The following MRTFB variants were observed in gnomAD, a reference collection of about 807,000 sequenced individuals.
MRTFB encodes myocardin-related transcription factor B.
MRTFB carries 29 observed loss-of-function variants against 104.2 expected under a neutral mutation model. That is an observed-to-expected ratio of 0.28 (90% CI 0.21 to 0.38). The LOEUF (loss-of-function observed/expected upper bound fraction) is 0.38, where lower values mean the gene tolerates loss of function less well. MRTFB is among the 10% of genes least tolerant of loss of function. The pLI, the probability that MRTFB is intolerant of heterozygous loss-of-function variation, is 1.00. For synonymous variants in MRTFB, 535 were observed against 519.5 expected, an observed-to-expected ratio of 1.03 and a Z score of -0.41; for missense variants, 1,270 against 1,341.6, an observed-to-expected ratio of 0.95 and a Z score of 0.83.
At chr16:14,152,996 T>C (rs2038689641) in intron 3 of MRTFB, 2 of 152,184 alleles carry the variant, frequency 1.3e-5, no homozygotes, top group South Asian at 4.1e-4. Flanking sequence ...TATGATGCTT[T>C]CAACCAAGCT....
At chr16:14,226,694 G>A (rs893312690) in intron 8 of MRTFB, among the ~76,000 whole-genome samples, 3 of 152,122 alleles carry the variant, frequency 2.0e-5, no homozygotes, top group African/African-American at 7.2e-5. Context: ...AAACGTTTTG[G>A]CCAGACATGG....
intron 3 of MRTFB, chr16:14,200,315 C>T: frequency 2.5e-6 from 4 of 1,606,240 alleles, no homozygotes; most frequent in Middle Eastern, 1.7e-4. Flanking sequence ...TACGCTGCTG[C>T]GCTGACGTGG....
At chr16:14,246,406 C>G in intron 11 of MRTFB, 67 bp from the exon 12 acceptor site, 5 of 1,520,820 alleles carry the variant, frequency 3.3e-6, no homozygotes, top group Non-Finnish European at 4.5e-6. Context: ...TTTCCCATCA[C>G]AAAAGCGTAC....
the MRTFB span, among the ~76,000 whole-genome samples, chr16:14,037,646 A>G: frequency 6.6e-6 from 1 of 152,162 alleles, no homozygotes; most frequent in Non-Finnish European, 1.5e-5. Context: ...AGTTCCCTGG[A>G]CTGGCTGCTT....
At chr16:14,170,809 A>G (rs2039397634) in intron 3 of MRTFB, among the ~76,000 whole-genome samples, 1 of 152,190 alleles carries the variant, frequency 6.6e-6, no homozygotes, top group African/African-American at 2.4e-5. Flanking sequence ...CGGTGTTTGA[A>G]AGTATTTTAC....
At chr16:14,017,706 TATA>T in the MRTFB span, among the ~76,000 whole-genome samples, 35 of 31,438 alleles carry the variant, frequency 1.1e-3, 4 homozygotes, top group South Asian at 3.9e-3. Flanking sequence ...TATATATATA[TATA>T]TATTTTTTTT....
chr16:14,108,123 C>G (rs1045564234), intron 2 of MRTFB, among the ~76,000 whole-genome samples: 1 of 152,112 alleles, frequency 6.6e-6, no homozygotes, highest in African/African-American at 2.4e-5. Flanking sequence ...GTCTTTAGAC[C>G]AGGGTCACAT....
chr16:14,184,465 G>A (rs1266014669), intron 3 of MRTFB, among the ~76,000 whole-genome samples: 3 of 151,972 alleles, frequency 2.0e-5, no homozygotes, highest in Non-Finnish European at 4.4e-5. Context: ...CAAGTCATTC[G>A]CCCACCTCGG....
At chr16:14,118,103 A>G (rs999269460) in intron 2 of MRTFB, among the ~76,000 whole-genome samples, 1 of 150,878 alleles carries the variant, frequency 6.6e-6, no homozygotes, top group African/African-American at 2.4e-5. Context: ...TGCCTCTCCC[A>G]GATGCCATTC....
At chr16:14,125,265 A>C (rs2142339864) in intron 2 of MRTFB, among the ~76,000 whole-genome samples, 1 of 152,324 alleles carries the variant, frequency 6.6e-6, no homozygotes, top group African/African-American at 2.4e-5. Flanking sequence ...TCTTGAGGCC[A>C]CCTCGGCAAG....
At chr16:14,085,118 GA>G (rs201868498) in intron 2 of MRTFB, among the ~76,000 whole-genome samples, 2 of 151,674 alleles carry the variant, frequency 1.3e-5, no homozygotes, top group African/African-American at 4.8e-5. Context: ...ATCTCTTAAA[GA>G]AAAAAAAGCC....
intron 3 of MRTFB, among the ~76,000 whole-genome samples, chr16:14,160,777 G>C (rs2039001331): frequency 2.0e-5 from 3 of 151,906 alleles, no homozygotes; most frequent in Admixed American, 2.0e-4. Flanking sequence ...ATCCATTATG[G>C]TCATCATTTT....
intron 2 of MRTFB, among the ~76,000 whole-genome samples, chr16:14,125,097 G>T (rs1453245540): frequency 6.6e-6 from 1 of 152,174 alleles, no homozygotes; most frequent in Non-Finnish European, 1.5e-5. Flanking sequence ...ACAGGTTAAG[G>T]TTGGCATATT....
At chr16:14,141,058 G>T (rs2037972846) in intron 3 of MRTFB, 1 of 290,500 alleles carries the variant, frequency 3.4e-6, no homozygotes, top group Non-Finnish European at 6.6e-6. Context: ...TGGAAAGTAG[G>T]TTCCTGTGCT....
intron 3 of MRTFB, among the ~76,000 whole-genome samples, chr16:14,147,256 G>A (rs144710277): frequency 2.5e-4 from 38 of 152,258 alleles, no homozygotes; most frequent in African/African-American, 8.7e-4. Flanking sequence ...GGGATTTATA[G>A]TAAACACAAT....
chr16:14,003,310 C>T, the MRTFB span, among the ~76,000 whole-genome samples: 1 of 151,992 alleles, frequency 6.6e-6, no homozygotes, highest in African/African-American at 2.4e-5. Flanking sequence ...GAGAAATGGT[C>T]CTGTCACTTC....
intron 8 of MRTFB, among the ~76,000 whole-genome samples, chr16:14,223,213 G>A (rs902460400): frequency 6.6e-6 from 1 of 152,092 alleles, no homozygotes; most frequent in Non-Finnish European, 1.5e-5. Context: ...AGGAGGCTGA[G>A]GTGGGAGGAT....
intron 3 of MRTFB, among the ~76,000 whole-genome samples, chr16:14,197,027 T>TGTCGTGATTGCGGC (rs2040467656): frequency 6.9e-6 from 1 of 145,792 alleles, no homozygotes; most frequent in Non-Finnish European, 1.5e-5. Context: ...TGGAGTGCAG[T>TGTCGTGATTGCGGC]GTCGTGATTG....
the MRTFB span, among the ~76,000 whole-genome samples, chr16:14,002,838 T>C: frequency 2.6e-5 from 4 of 152,000 alleles, no homozygotes; most frequent in Non-Finnish European, 5.9e-5. Flanking sequence ...ATCTCGATTC[T>C]GAGCCAGAGA....
Sources: allele counts gnomAD v4.1 joint callset (sites outside exome capture counted in the v4.1 genomes callset), GRCh38; gene constraint gnomAD v4.1.1; transcripts MANE v1.5; gene names NCBI Gene and HGNC (gene_info 2026-07-23, HGNC 2026-07-21).